Variants in SLC29A3 observed in about 807,000 individuals in gnomAD.
SLC29A3 encodes the protein equilibrative nucleoside transporter 3.
Under a neutral mutation model 25.4 loss-of-function variants are expected in SLC29A3, and 18 were observed. The ratio of observed to expected loss-of-function variants is 0.71; its 90% CI spans 0.49 to 1.05. The LOEUF is 1.05. Among genes scored for constraint, SLC29A3 ranks in the 50% least tolerant of loss-of-function variants. The probability of loss-of-function intolerance (pLI) is 0.00; values close to 1 mark genes in which losing one functional copy is unlikely to be tolerated. For missense variants in SLC29A3, 586 were observed against 609.0 expected (o/e 0.96, Z 0.40); for synonymous variants, 258 against 267.1 (o/e 0.97, Z 0.33).
chr10:71,368,734 C>T (rs1413038254), intron 3 of SLC29A3, among the ~76,000 whole-genome samples: 3 of 152,128 alleles, frequency 2.0e-5, no homozygotes, highest in Non-Finnish European at 4.4e-5. Flanking sequence ...GTAGTTCCAA[C>T]GGGGTTCCAA....
At chr10:71,338,345 A>C (rs1846307905) in intron 2 of SLC29A3, among the ~76,000 whole-genome samples, 1 of 152,200 alleles carries the variant, frequency 6.6e-6, no homozygotes, top group Non-Finnish European at 1.5e-5. Context: ...TCTTTTTAAA[A>C]CTACGAAGAC....
Position 71,336,496 on chromosome 10 carries a change from A to G in SLC29A3, c.301-7713A>G, listed in dbSNP as rs76010874. 4.3e-3 allele frequency among the ~76,000 whole-genome samples: 659 copies of G among 152,048 alleles called. 24 individuals carry two copies. The East Asian group carries it at 0.081, about 19-fold the overall frequency. Reference sequence around the variant, plus strand: ...GAGGGACACGGCTTTGGCAGTGGCAACATGGACTACATTTTCAAGGAGTGT... The same window carrying G: ...GAGGGACACGGCTTTGGCAGTGGCAGCATGGACTACATTTTCAAGGAGTGT... On this transcript the variant is annotated intron_variant, in intron 2 of 5. Coordinates refer to ENST00000373189, the MANE Select transcript of SLC29A3 (RefSeq NM_018344.6).
intron 2 of SLC29A3, among the ~76,000 whole-genome samples, chr10:71,336,615 T>G (rs561106837): frequency 6.6e-6 from 1 of 151,674 alleles, no homozygotes; most frequent in Non-Finnish European, 1.5e-5. Flanking sequence ...GAGAGTCTCT[T>G]GGCCAGCAGA....
intron 5 of SLC29A3, among the ~76,000 whole-genome samples, chr10:71,358,909 C>CTT: frequency 6.7e-6 from 1 of 150,006 alleles, no homozygotes. Flanking sequence ...GCTTCTATTT[C>CTT]TTTTTCTTTT....
intron 3 of SLC29A3, among the ~76,000 whole-genome samples, chr10:71,349,902 A>T (rs1846705994): frequency 6.6e-6 from 1 of 152,118 alleles, no homozygotes; most frequent in Non-Finnish European, 1.5e-5. Context: ...TGCCCCTCAG[A>T]TGTGCTGTGT....
downstream of SLC29A3, among the ~76,000 whole-genome samples, chr10:71,368,065 T>A (rs1050531550): frequency 4.0e-5 from 6 of 151,820 alleles, no homozygotes; most frequent in Admixed American, 3.3e-4. Flanking sequence ...GCTACAAAAA[T>A]ATATATATAC....
intron 2 of SLC29A3, among the ~76,000 whole-genome samples, chr10:71,325,915 C>T (rs1435034905): frequency 8.2e-6 from 1 of 122,648 alleles, no homozygotes; most frequent in Non-Finnish European, 1.6e-5. Flanking sequence ...TATATTAGTA[C>T]TTTTTTTTTT....
intron 2 of SLC29A3, among the ~76,000 whole-genome samples, chr10:71,341,201 C>G (rs1179011317): frequency 6.6e-6 from 1 of 152,110 alleles, no homozygotes; most frequent in Non-Finnish European, 1.5e-5. Flanking sequence ...GGCGTGGGGT[C>G]TCTCTGTGGG....
At position 71,368,682 on chromosome 10, in the gene SLC29A3, T is replaced by A. The variant is rs566106820; in HGVS notation, c.*95-7013T>A. The stretch of plus-strand genomic sequence containing the variant: ...CCCACTACCCATTCTATCACTATCA[T>A]GAATGCACAGCCATGAACAAAGATG... On this transcript the variant is annotated intron_variant and NMD_transcript_variant, in intron 3 of 4. Transcript: ENST00000642772. 2.0e-5 allele frequency among the ~76,000 whole-genome samples: 3 copies of A among 152,288 alleles called. No individual in the cohort carries two copies. The South Asian group carries it at 6.2e-4, about 32-fold the overall frequency.
chr10:71,348,723 C>T (rs988265383), intron 3 of SLC29A3, among the ~76,000 whole-genome samples: 1 of 152,214 alleles, frequency 6.6e-6, no homozygotes, highest in African/African-American at 2.4e-5. Flanking sequence ...CAGCTCCTGT[C>T]CAGGCCAAAG....
At chr10:71,343,229 A>G (rs1408256297) in intron 2 of SLC29A3, among the ~76,000 whole-genome samples, 1 of 152,140 alleles carries the variant, frequency 6.6e-6, no homozygotes, top group Non-Finnish European at 1.5e-5. Context: ...GCCTCCCAAA[A>G]TGCTGGGATT....
At chr10:71,340,640 T>A (rs535288767) in intron 2 of SLC29A3, among the ~76,000 whole-genome samples, 1 of 152,322 alleles carries the variant, frequency 6.6e-6, no homozygotes, top group African/African-American at 2.4e-5. Context: ...ATGGATTGCT[T>A]TGGGGGCAGT....
chr10:71,373,238 G>A (rs530224621), intron 3 of SLC29A3, among the ~76,000 whole-genome samples: 54 of 152,346 alleles, frequency 3.5e-4, no homozygotes, highest in African/African-American at 1.3e-3. Flanking sequence ...ATAATGTTGT[G>A]TGAATTACGA....
chr10:71,332,588 G>A (rs1380445148), intron 2 of SLC29A3, among the ~76,000 whole-genome samples: 1 of 152,218 alleles, frequency 6.6e-6, no homozygotes, highest in Non-Finnish European at 1.5e-5. Flanking sequence ...GGGAGTCTGA[G>A]GTCAGGCAGC....
Position 71,323,068 on chromosome 10 carries a change from T to A in SLC29A3, c.300+14T>A. On this transcript the variant is annotated intron_variant, in intron 2 of 5. Coordinates refer to ENST00000373189, the MANE Select transcript of SLC29A3 (RefSeq NM_018344.6). ...TCAGACATCCTGGTAAGGGCATGTTTCTCCTGCAAGGCTGGTGGGAGCATA... is the reference window on the plus strand; with the variant it reads ...TCAGACATCCTGGTAAGGGCATGTTACTCCTGCAAGGCTGGTGGGAGCATA... 3.7e-6 allele frequency: 6 copies of A among 1,612,324 alleles called. No individual in the cohort carries two copies. Among genetic ancestry groups the A allele is most frequent in the Non-Finnish European group, 5.1e-6 (6 of 1,180,036 alleles).
At chr10:71,375,690 C>T (rs998006326) in intron 3 of SLC29A3, 1 of 152,140 alleles carries the variant, frequency 6.6e-6, no homozygotes, top group African/African-American at 2.4e-5. Flanking sequence ...TTATTCATTT[C>T]ATAGGCAAGG....
Position 71,362,158 on chromosome 10 carries a change from C to T in SLC29A3, c.978C>T (p.Ile326=). The change falls in exon 6 of 6, where the codon ATC becomes ATT. Residue 326 remains isoleucine (I), a synonymous_variant. Coordinates refer to ENST00000373189, the MANE Select transcript of SLC29A3 (RefSeq NM_018344.6). ...FFITSLIYPA[I]CTNIESLNKG... ...TCACCAGCCTCATCTACCCCGCCAT[C>T]TGCACCAACATCGAGTCCCTCAACA... 1 of 1,614,158 alleles carries T rather than the reference C, an allele frequency of 6.2e-7. No individual in the cohort carries two copies. The highest frequency in any genetic ancestry group is 1.7e-5 in the Admixed American group (1 of 60,024).
At chr10:71,332,569 A>G (rs1284258813) in intron 2 of SLC29A3, among the ~76,000 whole-genome samples, 2 of 152,168 alleles carry the variant, frequency 1.3e-5, no homozygotes, top group Non-Finnish European at 2.9e-5. Context: ...CATCCTAGGA[A>G]AAGAGATGGG....
At position 71,338,082 on chromosome 10, in the gene SLC29A3, G is replaced by C. The variant is rs566762346; in HGVS notation, c.301-6127G>C. On this transcript the variant is annotated intron_variant, in intron 2 of 5. Transcript: ENST00000373189. ...GGGTACCCTGGCGCCTGGCACCCCT[G>C]GGCCAGGGCCTGTCCACAGTCTGGG... Among the ~76,000 whole-genome samples the C allele has an allele frequency of 8.0e-4, 122 of 152,346 alleles. 1 individual carries two copies. The South Asian group carries it at 0.011, about 14-fold the overall frequency.
Sources: allele counts gnomAD v4.1 joint callset (sites outside exome capture counted in the v4.1 genomes callset), GRCh38; gene constraint gnomAD v4.1.1; transcripts MANE v1.5; gene names NCBI Gene and HGNC (gene_info 2026-07-23, HGNC 2026-07-21).